RCC1L: variants seen among roughly 807,000 people sequenced by gnomAD.
RCC1L encodes the protein RCC1-like G exchanging factor-like protein.
RCC1L carries 46 observed loss-of-function variants against 58.6 expected under a neutral mutation model. The observed-to-expected ratio is 0.79, with a 90% CI of 0.62 to 1.00. The LOEUF (loss-of-function observed/expected upper bound fraction) is 1.00. Ranked by LOEUF, RCC1L falls within the 50% of genes least tolerant of loss-of-function variation. RCC1L has a pLI of 0.00. For missense variants in RCC1L, 636 were observed against 623.6 expected, an observed-to-expected ratio of 1.02 and a Z score of -0.21; for synonymous variants, 281 against 262.9, an observed-to-expected ratio of 1.07 and a Z score of -0.67.
In RCC1L at chr7:75,073,402, C is replaced by T; in HGVS notation, c.324+12G>A. ...AGAGAGAAGGAGAGAAGGAGGAAGC[C>T]GCGGCCTGCACCTTTTGGTCCAGCT... On this transcript the variant is annotated intron_variant, in intron 1 of 10. Transcript: ENST00000610322. 1 of 1,153,550 alleles carries T rather than the reference C, an allele frequency of 8.7e-7. No individual in the cohort carries two copies. Among genetic ancestry groups the T allele is most frequent in the Non-Finnish European group, 1.1e-6 (1 of 882,582 alleles). 71.5% of individuals were successfully genotyped at this position (1,153,550 alleles called of 1,614,324 possible).
chr7:75,055,852 G>A (rs2131992072), intron 9 of RCC1L, 49 bp downstream of exon 9: 1 of 1,611,254 alleles, frequency 6.2e-7, no homozygotes, highest in East Asian at 2.2e-5. Flanking sequence ...ACTGGAGACA[G>A]AGAACCTCTG....
chr7:75,056,524 G>C, intron 8 of RCC1L: 1 of 1,512,156 alleles, frequency 6.6e-7, no homozygotes, highest in Non-Finnish European at 8.8e-7. Flanking sequence ...TTTGGTTATA[G>C]AAAGTTTAAT....
In RCC1L at chr7:75,043,240, C is replaced by T. The variant is rs914711136; in HGVS notation, c.1318-131G>A. The stretch of plus-strand genomic sequence containing the variant: ...GGAGACAGCTTGTCTCAGCAGGAGA[C>T]AGCTTGTCTCAGTAGGAGACAGCTT... On this transcript the variant is annotated intron_variant, in intron 10 of 10. Transcript: ENST00000610322. 1,405 of 1,060,430 alleles carry T rather than the reference C, an allele frequency of 1.3e-3. 34 individuals carry two copies. The East Asian group carries it at 0.025, about 19-fold the overall frequency. The allele number at this position is 1,060,430 out of a possible 1,614,324, so 65.7% of individuals were successfully genotyped here. A position where few individuals can be genotyped will look rare whatever the true frequency, so the allele number is the denominator to read the frequency against.
intron 8 of RCC1L, chr7:75,056,692 G>A (rs1554443989): frequency 3.9e-6 from 6 of 1,535,454 alleles, no homozygotes; most frequent in Middle Eastern, 3.3e-4. Context: ...CCAGAGGTTT[G>A]CTCTAGGATG....
intron 10 of RCC1L, among the ~76,000 whole-genome samples, chr7:75,033,100 T>C (rs1466234356): frequency 7.4e-6 from 1 of 134,468 alleles, no homozygotes; most frequent in Non-Finnish European, 1.6e-5. Flanking sequence ...AAAAAGATAA[T>C]TCCACTGGAG....
At chr7:75,044,146 G>A (rs1211211720) in intron 10 of RCC1L, among the ~76,000 whole-genome samples, 2 of 152,134 alleles carry the variant, frequency 1.3e-5, no homozygotes, top group Admixed American at 1.3e-4. Flanking sequence ...CCATGGAAAC[G>A]GACACCCTCA....
exon 11 of RCC1L, chr7:75,027,685 C>T (rs1450132191): frequency 2.0e-5 from 7 of 358,212 alleles, no homozygotes; most frequent in South Asian, 4.8e-5. Context: ...TGTTCAAGCC[C>T]GCTCCGTGGG....
intron 10 of RCC1L, among the ~76,000 whole-genome samples, chr7:75,049,919 G>A (rs1805853545): frequency 6.6e-6 from 1 of 151,996 alleles, no homozygotes; most frequent in South Asian, 2.1e-4. Flanking sequence ...AAAATCACTT[G>A]TAATTTTTTT....
At chr7:75,041,788 CA>C (rs1448937695), downstream of RCC1L, among the ~76,000 whole-genome samples, 2 of 149,608 alleles carry the variant, frequency 1.3e-5, no homozygotes, top group Non-Finnish European at 3.0e-5. Context: ...AATTTGAACC[CA>C]GGGGGTGGAG....
At chr7:75,035,342 T>C (rs1805413312) in intron 10 of RCC1L, among the ~76,000 whole-genome samples, 1 of 152,156 alleles carries the variant, frequency 6.6e-6, no homozygotes, top group Non-Finnish European at 1.5e-5. Flanking sequence ...GGGTCCCTAC[T>C]TTAGCAGCAG....
downstream of RCC1L, chr7:75,042,090 T>A: frequency 1.3e-6 from 1 of 780,914 alleles, no homozygotes; most frequent in Non-Finnish European, 1.6e-6. Context: ...ATAAAAGTAT[T>A]TTTCACTGGC....
At chr7:75,058,026 C>T in intron 7 of RCC1L, 1 of 299,848 alleles carries the variant, frequency 3.3e-6, no homozygotes, top group South Asian at 2.9e-5. Context: ...GGCGTGGTGG[C>T]AAGTGCCTGT....
intron 9 of RCC1L, chr7:75,055,691 A>G (rs1432220842): frequency 1.6e-6 from 1 of 628,740 alleles, no homozygotes; most frequent in East Asian, 2.9e-5. Context: ...AACCAAACGA[A>G]CCAAAATTAA....
At chr7:75,065,618 C>T (rs1415347692) in intron 3 of RCC1L, among the ~76,000 whole-genome samples, 1 of 152,100 alleles carries the variant, frequency 6.6e-6, no homozygotes, top group Non-Finnish European at 1.5e-5. Flanking sequence ...CCTGGAAAAA[C>T]CCCGTTTCTA....
chr7:75,063,786 G>A (rs1329535894), intron 4 of RCC1L, among the ~76,000 whole-genome samples: 3 of 152,120 alleles, frequency 2.0e-5, no homozygotes, highest in Non-Finnish European at 4.4e-5. Flanking sequence ...CAAGTGCGGT[G>A]GCGGACGCCT....
downstream of RCC1L, among the ~76,000 whole-genome samples, chr7:75,039,752 G>A (rs1021431055): frequency 2.0e-5 from 3 of 152,144 alleles, no homozygotes; most frequent in African/African-American, 4.8e-5. Context: ...AGAATGGCCT[G>A]GGGACACATG....
chr7:75,046,875 GA>G (rs1805735798), intron 10 of RCC1L, among the ~76,000 whole-genome samples: 1 of 152,206 alleles, frequency 6.6e-6, no homozygotes, highest in Non-Finnish European at 1.5e-5. Context: ...CCTGGGCGGT[GA>G]GTCCTTCGTG....
chr7:75,057,347 C>A (rs1806113448), intron 8 of RCC1L, among the ~76,000 whole-genome samples, 182 bp downstream of exon 8: 1 of 152,002 alleles, frequency 6.6e-6, no homozygotes, highest in Admixed American at 6.6e-5. Flanking sequence ...GAACTCCTGG[C>A]CTCAAGCAAT....
chr7:75,034,827 A>T (rs2131969253), intron 10 of RCC1L, among the ~76,000 whole-genome samples: 1 of 151,558 alleles, frequency 6.6e-6, no homozygotes, highest in East Asian at 1.9e-4. Flanking sequence ...TAATTTTTTT[A>T]TTTTTTGTAG....
Sources: allele counts gnomAD v4.1 joint callset (sites outside exome capture counted in the v4.1 genomes callset), GRCh38; gene constraint gnomAD v4.1.1; transcripts MANE v1.5; gene names NCBI Gene and HGNC (gene_info 2026-07-23, HGNC 2026-07-21).